Variants in ATG5 observed in about 807,000 individuals in gnomAD.
ATG5 encodes autophagy protein 5.
A neutral mutation model predicts 36.5 loss-of-function variants in ATG5; 14 were observed. That is an observed-to-expected ratio of 0.38 (90% CI 0.25 to 0.60). The LOEUF (loss-of-function observed/expected upper bound fraction) is 0.60. Ranked by LOEUF, ATG5 falls within the 20% of genes least tolerant of loss-of-function variation. The pLI is 0.60. For missense variants in ATG5, 195 were observed against 326.7 expected (o/e 0.60, Z 3.11); for synonymous variants, 95 against 101.5 (o/e 0.94, Z 0.38).
chr6:106,301,551 T>C (rs1395959192), intron 3 of ATG5, among the ~76,000 whole-genome samples: 2 of 151,980 alleles, frequency 1.3e-5, no homozygotes, highest in Non-Finnish European at 2.9e-5. Flanking sequence ...AAATTTAGAT[T>C]CATTCATTCA....
intron 2 of ATG5, among the ~76,000 whole-genome samples, chr6:106,315,537 A>G (rs1770808833): frequency 6.6e-6 from 1 of 152,084 alleles, no homozygotes; most frequent in Non-Finnish European, 1.5e-5. Flanking sequence ...TCTATGTGCA[A>G]TTTATAATAT....
intron 6 of ATG5, among the ~76,000 whole-genome samples, chr6:106,237,633 A>G (rs1248907468): frequency 6.6e-6 from 1 of 152,226 alleles, no homozygotes; most frequent in Admixed American, 6.5e-5. Flanking sequence ...AAATCACTCT[A>G]CATCCCATAA....
At chr6:106,250,676 A>T (rs190665229) in intron 5 of ATG5, among the ~76,000 whole-genome samples, 1 of 152,344 alleles carries the variant, frequency 6.6e-6, no homozygotes, top group East Asian at 1.9e-4. Context: ...CATACTTAAA[A>T]TTTTACTTTG....
rs557507194 is a variant in ATG5 at position 106,217,996 on chromosome 6, A to G, written c.574-15907T>C. Among the ~76,000 whole-genome samples, 3 of 152,336 alleles carry G rather than the reference A, an allele frequency of 2.0e-5. No homozygotes were observed. The South Asian group carries it at 6.2e-4, about 32-fold the overall frequency. ...TATATAGCAGGCTTAACTTATGATT[A>G]TTAAACAGGGTTCTAAGAAAATAGT... On this transcript the variant is annotated intron_variant, in intron 6 of 7. Transcript: ENST00000369076.
intron 3 of ATG5, among the ~76,000 whole-genome samples, chr6:106,296,141 C>A (rs1230062831): frequency 6.6e-6 from 1 of 151,702 alleles, no homozygotes; most frequent in Non-Finnish European, 1.5e-5. Context: ...GCAGTTCCAA[C>A]TATTTTAATG....
intron 6 of ATG5, among the ~76,000 whole-genome samples, chr6:106,232,613 C>G (rs1007301576): frequency 6.6e-6 from 1 of 152,098 alleles, no homozygotes; most frequent in African/African-American, 2.4e-5. Context: ...CGAGGCTCAA[C>G]AAGGACTCCA....
chr6:106,323,127 C>CG (rs1454941843), intron 1 of ATG5, among the ~76,000 whole-genome samples: 1 of 151,814 alleles, frequency 6.6e-6, no homozygotes, highest in Non-Finnish European at 1.5e-5. Context: ...TTAGTAGAGA[C>CG]GGGGTTTCAC....
rs772104154 is a variant in ATG5, at chr6:106,279,693, T to C, written c.446A>G (p.Asp149Gly). 2 of 1,602,918 alleles carry C rather than the reference T, an allele frequency of 1.2e-6. No homozygotes were observed. The highest frequency in any genetic ancestry group is 1.1e-5 in the South Asian group (1 of 87,898). Residue 149 changes from aspartate (D) to glycine (G), a missense_variant, in exon 5 of 8, where the codon GAT (aspartate) becomes GGT (glycine). Coordinates refer to ENST00000369076, the MANE Select transcript of ATG5 (RefSeq NM_004849.4). The part of the protein sequence containing the change: ...SQVINEMQKK[D>G]HKQLWMGLQN... ...CAATCCCATCCAGAGTTGCTTGTGA[T>C]CTTTTTTCTGCATTTCATTGATTAC...
chr6:106,299,722 A>G (rs547750438), intron 3 of ATG5, among the ~76,000 whole-genome samples: 1 of 152,310 alleles, frequency 6.6e-6, no homozygotes, highest in East Asian at 1.9e-4. Context: ...TGTAGCAATA[A>G]TGGATATTCT....
intron 2 of ATG5, among the ~76,000 whole-genome samples, chr6:106,310,765 A>G (rs1770615750): frequency 6.6e-6 from 1 of 151,716 alleles, no homozygotes. Flanking sequence ...GAATTTGACT[A>G]CTCTAGGTAC....
intron 3 of ATG5, among the ~76,000 whole-genome samples, chr6:106,307,231 T>G (rs1273019656): frequency 6.6e-6 from 1 of 152,222 alleles, no homozygotes; most frequent in African/African-American, 2.4e-5. Flanking sequence ...CAAAAACTCT[T>G]CATTTTAATA....
At chr6:106,270,187 A>C (rs1015301329) in intron 5 of ATG5, among the ~76,000 whole-genome samples, 1 of 152,212 alleles carries the variant, frequency 6.6e-6, no homozygotes, top group Non-Finnish European at 1.5e-5. Flanking sequence ...ATGCAAATGC[A>C]TGAACTCTAA....
chr6:106,274,371 C>A (rs1381657155), intron 5 of ATG5, among the ~76,000 whole-genome samples: 2 of 152,078 alleles, frequency 1.3e-5, no homozygotes, highest in Non-Finnish European at 2.9e-5. Context: ...CACAGTATGT[C>A]CTAAATGAGT....
chr6:106,235,021 A>C (rs1777839578), intron 6 of ATG5, among the ~76,000 whole-genome samples: 1 of 152,168 alleles, frequency 6.6e-6, no homozygotes, highest in Non-Finnish European at 1.5e-5. Flanking sequence ...TTATTATGTT[A>C]ATCAATCCTG....
chr6:106,268,409 A>G (rs929933030), intron 5 of ATG5, among the ~76,000 whole-genome samples: 9 of 152,358 alleles, frequency 5.9e-5, no homozygotes, highest in African/African-American at 2.2e-4. Flanking sequence ...GAGAAATAGG[A>G]ACACTTTTAC....
intron 5 of ATG5, among the ~76,000 whole-genome samples, chr6:106,266,637 A>C (rs1326844521): frequency 6.6e-6 from 1 of 152,228 alleles, no homozygotes; most frequent in Non-Finnish European, 1.5e-5. Flanking sequence ...GCAGCACATC[A>C]AAAAGCTTAT....
rs185237227 is a variant in ATG5 at position 106,258,209 on chromosome 6, A to C, written c.479-9965T>G. Among the ~76,000 whole-genome samples the C allele has an allele frequency of 3.2e-4, 48 of 151,684 alleles. 1 individual carries two copies. The Middle Eastern group carries it at 0.017, about 54-fold the overall frequency. Reference sequence around the variant, plus strand: ...CATAGGTAGATCCCGTCTCTAACAAAAAAAAAAAATTAGCCAAGCATTGGT... The same window carrying C: ...CATAGGTAGATCCCGTCTCTAACAACAAAAAAAAATTAGCCAAGCATTGGT... On this transcript the variant is annotated intron_variant, in intron 5 of 7. Transcript: ENST00000369076.
chr6:106,294,848 A>C (rs1370634642), intron 3 of ATG5, among the ~76,000 whole-genome samples: 1 of 151,132 alleles, frequency 6.6e-6, no homozygotes, highest in Non-Finnish European at 1.5e-5. Flanking sequence ...TTCTCAAGAA[A>C]AAAAAAAAAA....
chr6:106,223,266 A>G (rs1777318897), intron 6 of ATG5, among the ~76,000 whole-genome samples: 1 of 152,206 alleles, frequency 6.6e-6, no homozygotes, highest in Non-Finnish European at 1.5e-5. Flanking sequence ...ATAACATGAC[A>G]ATTGTTTTAA....
Sources: allele counts gnomAD v4.1 joint callset (sites outside exome capture counted in the v4.1 genomes callset), GRCh38; gene constraint gnomAD v4.1.1; transcripts MANE v1.5; gene names NCBI Gene and HGNC (gene_info 2026-07-23, HGNC 2026-07-21).